The following CEP112 variants were observed in gnomAD, a reference collection of about 807,000 sequenced individuals.
CEP112 encodes centrosomal protein 112, also known as centrosomal protein of 112 kDa.
Under a neutral mutation model 153.0 loss-of-function variants are expected in CEP112, and 127 were observed. That is an observed-to-expected ratio of 0.83 (90% CI 0.72 to 0.96). CEP112 has a LOEUF of 0.96. CEP112 is among the 40% of genes least tolerant of loss of function. The pLI, the probability that CEP112 is intolerant of heterozygous loss-of-function variation, is 0.00. For synonymous variants in CEP112, 358 were observed against 374.4 expected, an observed-to-expected ratio of 0.96 and a Z score of 0.51; for missense variants, 1,089 against 1,101.2, an observed-to-expected ratio of 0.99 and a Z score of 0.16.
chr17:65,910,320 A>G (rs2060238637), intron 19 of CEP112, among the ~76,000 whole-genome samples: 1 of 152,304 alleles, frequency 6.6e-6, no homozygotes, highest in East Asian at 1.9e-4. Flanking sequence ...CATGAATATT[A>G]TATCAGTCCA....
At chr17:65,731,016 C>T (rs1016788798) in intron 23 of CEP112, among the ~76,000 whole-genome samples, 1 of 152,002 alleles carries the variant, frequency 6.6e-6, no homozygotes, top group African/African-American at 2.4e-5. Flanking sequence ...AGGACTTAGC[C>T]CTGGTGGTGC....
chr17:65,903,879 T>C (rs1360725364), intron 19 of CEP112, among the ~76,000 whole-genome samples: 1 of 152,140 alleles, frequency 6.6e-6, no homozygotes, highest in Non-Finnish European at 1.5e-5. Context: ...ATTAACTCAA[T>C]AGATGCAGAA....
chr17:65,655,035 T>C (rs748169898), intron 24 of CEP112: 95 of 681,748 alleles, frequency 1.4e-4, no homozygotes, highest in Middle Eastern at 1.1e-3. Context: ...TCGGATAGTA[T>C]CACTCTTGAC....
At chr17:65,660,577 C>G (rs536004672) in intron 24 of CEP112, among the ~76,000 whole-genome samples, 1 of 33,130 alleles carries the variant, frequency 3.0e-5, no homozygotes, top group African/African-American at 2.8e-4. Flanking sequence ...CAGGTTCTCA[C>G]TCTGTTGCCC....
intron 24 of CEP112, among the ~76,000 whole-genome samples, chr17:65,667,899 T>C (rs1223424522): frequency 2.2e-5 from 1 of 44,926 alleles, no homozygotes; most frequent in East Asian, 3.6e-3. Context: ...CCTTGGGCAC[T>C]TTTTTTTTTT....
intron 19 of CEP112, among the ~76,000 whole-genome samples, chr17:65,905,971 A>G (rs1362406734): frequency 6.6e-6 from 1 of 151,900 alleles, no homozygotes. Flanking sequence ...ACACATGCAC[A>G]CTTATGTTTA....
chr17:65,671,514 A>G (rs1257465799), intron 24 of CEP112, among the ~76,000 whole-genome samples: 6 of 152,220 alleles, frequency 3.9e-5, no homozygotes, highest in Admixed American at 6.5e-5. Context: ...CCCTGAACCA[A>G]CTGGAGATAA....
chr17:65,911,683 G>GA (rs1478978730), intron 19 of CEP112, among the ~76,000 whole-genome samples: 1 of 151,810 alleles, frequency 6.6e-6, no homozygotes, highest in African/African-American at 2.4e-5. Flanking sequence ...AAATAAAAAA[G>GA]AAAAAATGAG....
intron 5 of CEP112, 22 bp downstream of exon 5, chr17:66,132,648 C>A: frequency 1.3e-6 from 2 of 1,562,992 alleles, no homozygotes; most frequent in Non-Finnish European, 1.8e-6. Context: ...AAAAACCAAA[C>A]AAAAGTAAAA....
intron 24 of CEP112, among the ~76,000 whole-genome samples, chr17:65,681,849 C>A (rs1202845833): frequency 6.6e-6 from 1 of 150,884 alleles, no homozygotes; most frequent in Non-Finnish European, 1.5e-5. Context: ...AATATTTTTG[C>A]AATTTTTTTT....
At chr17:66,111,430 T>G (rs185525664) in intron 6 of CEP112, among the ~76,000 whole-genome samples, 3 of 152,158 alleles carry the variant, frequency 2.0e-5, no homozygotes, top group Non-Finnish European at 2.9e-5. Context: ...CTATTCACAA[T>G]AGCAAAGACA....
intron 23 of CEP112, among the ~76,000 whole-genome samples, chr17:65,695,291 G>A (rs978478697): frequency 2.0e-5 from 3 of 152,190 alleles, no homozygotes; most frequent in Non-Finnish European, 2.9e-5. Flanking sequence ...GTCAAAAATT[G>A]AACATGTTAA....
intron 2 of CEP112, among the ~76,000 whole-genome samples, chr17:66,180,552 T>C (rs1274592347): frequency 3.9e-5 from 6 of 152,322 alleles, no homozygotes; most frequent in South Asian, 2.1e-4. Flanking sequence ...CAGGGATTTG[T>C]AGCTGATTGA....
At chr17:65,735,642 T>C (rs1388070243) in intron 23 of CEP112, among the ~76,000 whole-genome samples, 1 of 152,230 alleles carries the variant, frequency 6.6e-6, no homozygotes, top group East Asian at 1.9e-4. Flanking sequence ...TTGCTTTTTA[T>C]TTTTAACCAT....
chr17:65,653,648 G>A (rs913232239), intron 24 of CEP112, among the ~76,000 whole-genome samples: 67 of 152,314 alleles, frequency 4.4e-4, no homozygotes, highest in African/African-American at 1.6e-3. Flanking sequence ...AAGGCTTGCT[G>A]GGAGGGATCA....
intron 12 of CEP112, among the ~76,000 whole-genome samples, chr17:66,034,750 T>C (rs1230406979): frequency 3.3e-5 from 5 of 151,912 alleles, no homozygotes; most frequent in Non-Finnish European, 1.5e-5. Context: ...CAGCTATCTG[T>C]ATATCATTGA....
At chr17:66,109,859 T>C (rs1278992900) in intron 6 of CEP112, among the ~76,000 whole-genome samples, 1 of 152,146 alleles carries the variant, frequency 6.6e-6, no homozygotes, top group Non-Finnish European at 1.5e-5. Context: ...ATTGGCAATT[T>C]ATAAAGATAT....
At chr17:65,764,946 G>A (rs1004246115) in intron 21 of CEP112, among the ~76,000 whole-genome samples, 7 of 135,140 alleles carry the variant, frequency 5.2e-5, no homozygotes, top group African/African-American at 2.1e-4. Flanking sequence ...TTTGCTTTGT[G>A]GTTACCACAA....
rs568763595 is a variant in CEP112 at position 66,106,022 on chromosome 17, T to C, written c.643-9390A>G. ...GAATTTTGAAAACTATACAAACACATGGAAATTAAATATGCTCCTGAATGA... is the reference window on the plus strand; with the variant it reads ...GAATTTTGAAAACTATACAAACACACGGAAATTAAATATGCTCCTGAATGA... On this transcript the variant is annotated intron_variant, in intron 6 of 26. Transcript: ENST00000535342. Among the ~76,000 whole-genome samples the C allele has an allele frequency of 8.6e-5, 13 of 151,662 alleles. No individual in the cohort carries two copies. In the South Asian group the frequency reaches 2.7e-3, roughly 32 times the overall value.
Sources: gnomAD v4.1 joint callset for allele counts (sites outside exome capture counted in the v4.1 genomes callset) on GRCh38, gnomAD v4.1.1 for gene constraint, MANE v1.5 for transcripts, NCBI Gene and HGNC (gene_info 2026-07-23, HGNC 2026-07-21) for gene names.